SORCS3: variants seen among roughly 807,000 people sequenced by gnomAD.
SORCS3 encodes VPS10 domain-containing receptor SorCS3.
A neutral mutation model predicts 146.3 loss-of-function variants in SORCS3; 57 were observed. That is an observed-to-expected ratio of 0.39 (90% CI 0.31 to 0.49). The LOEUF is 0.49. Among genes scored for constraint, SORCS3 ranks in the 20% least tolerant of loss-of-function variants. The pLI, the probability that SORCS3 is intolerant of heterozygous loss-of-function variation, is 0.92. For synonymous variants in SORCS3, 653 were observed against 618.5 expected, an observed-to-expected ratio of 1.06 and a Z score of -0.83; for missense variants, 1,341 against 1,575.5, an observed-to-expected ratio of 0.85 and a Z score of 2.52.
At chr10:104,956,163 G>C (rs1010285444) in intron 3 of SORCS3, among the ~76,000 whole-genome samples, 1 of 152,192 alleles carries the variant, frequency 6.6e-6, no homozygotes, top group Non-Finnish European at 1.5e-5. Flanking sequence ...TAAGCACTCT[G>C]GGGACATGGG....
chr10:105,187,807 G>A (rs1019805134), intron 14 of SORCS3, among the ~76,000 whole-genome samples: 11 of 152,180 alleles, frequency 7.2e-5, no homozygotes, highest in African/African-American at 2.7e-4. Context: ...TGTTTTAAGA[G>A]TTCTAGAAGC....
chr10:105,176,721 G>A (rs2056407183), intron 13 of SORCS3, among the ~76,000 whole-genome samples: 1 of 151,992 alleles, frequency 6.6e-6, no homozygotes, highest in African/African-American at 2.4e-5. Context: ...CATGCTTGGT[G>A]ACACGTGCCT....
intron 3 of SORCS3, among the ~76,000 whole-genome samples, chr10:104,932,755 C>T (rs529472162): frequency 6.6e-5 from 10 of 152,240 alleles, no homozygotes; most frequent in South Asian, 6.2e-4. Flanking sequence ...TGCAGTAGAG[C>T]GATCATAGCT....
chr10:104,920,814 A>G (rs1402223052), intron 3 of SORCS3, among the ~76,000 whole-genome samples: 1 of 152,192 alleles, frequency 6.6e-6, no homozygotes, highest in African/African-American at 2.4e-5. Flanking sequence ...TGCTTCAGTC[A>G]AAGTTGTCCT....
At chr10:104,679,413 A>G (rs2015946535) in intron 1 of SORCS3, among the ~76,000 whole-genome samples, 1 of 152,182 alleles carries the variant, frequency 6.6e-6, no homozygotes, top group East Asian at 1.9e-4. Flanking sequence ...TTCTTTACAT[A>G]GAGTTACTTG....
intron 8 of SORCS3, 77 bp downstream of exon 8, chr10:105,139,563 T>C: frequency 1.7e-6 from 2 of 1,162,044 alleles, no homozygotes; most frequent in Non-Finnish European, 1.3e-6. Context: ...GTTGGGCTAC[T>C]GGGAGGTTTT....
intron 1 of SORCS3, among the ~76,000 whole-genome samples, chr10:104,696,078 CAT>C (rs1268587834): frequency 2.3e-4 from 4 of 17,570 alleles, no homozygotes; most frequent in Non-Finnish European, 5.0e-4. Flanking sequence ...TAATATATAT[CAT>C]ATACACATAT....
At chr10:104,917,935 T>C in intron 3 of SORCS3, among the ~76,000 whole-genome samples, 1 of 152,252 alleles carries the variant, frequency 6.6e-6, no homozygotes. Flanking sequence ...AGTGCTGCAA[T>C]AAACATGAGA....
chr10:104,708,465 C>T (rs2016373367), intron 1 of SORCS3, among the ~76,000 whole-genome samples: 1 of 152,166 alleles, frequency 6.6e-6, no homozygotes, highest in African/African-American at 2.4e-5. Context: ...TTCCAGCTGT[C>T]ATCATACAAT....
intron 16 of SORCS3, among the ~76,000 whole-genome samples, chr10:105,206,507 G>A (rs1204913361): frequency 6.6e-6 from 1 of 152,192 alleles, no homozygotes; most frequent in Non-Finnish European, 1.5e-5. Flanking sequence ...AAGGCTTCCT[G>A]CAGGAGGTAG....
At chr10:105,119,201 G>A (rs1334344757) in intron 7 of SORCS3, among the ~76,000 whole-genome samples, 3 of 152,198 alleles carry the variant, frequency 2.0e-5, no homozygotes, top group Non-Finnish European at 4.4e-5. Context: ...GCTTCAGAGG[G>A]TGCAAGTCTC....
At chr10:104,709,751 C>T (rs1031762029) in intron 1 of SORCS3, among the ~76,000 whole-genome samples, 2 of 152,156 alleles carry the variant, frequency 1.3e-5, no homozygotes, top group Non-Finnish European at 2.9e-5. Flanking sequence ...TTGCAGGACT[C>T]AAGTCATTTT....
chr10:105,205,450 C>T (rs1167945089), intron 16 of SORCS3, among the ~76,000 whole-genome samples: 1 of 152,130 alleles, frequency 6.6e-6, no homozygotes, highest in Non-Finnish European at 1.5e-5. Flanking sequence ...CCACCAGCCT[C>T]AAGCGAACCC....
chr10:105,083,196 CAAT>C (rs35895033), intron 5 of SORCS3, among the ~76,000 whole-genome samples: 36,636 of 151,510 alleles, frequency 0.24, 4,526 homozygotes, highest in Admixed American at 0.32. Context: ...TTTACATTAG[CAAT>C]AATAATATAT....
At chr10:104,650,820 C>T (rs1380507403) in intron 1 of SORCS3, among the ~76,000 whole-genome samples, 2 of 152,238 alleles carry the variant, frequency 1.3e-5, no homozygotes, top group East Asian at 3.8e-4. Flanking sequence ...CTCTCACAGG[C>T]TCTCAGGTCC....
intron 1 of SORCS3, among the ~76,000 whole-genome samples, chr10:104,739,881 G>A (rs76139396): frequency 6.6e-6 from 1 of 152,150 alleles, no homozygotes; most frequent in Non-Finnish European, 1.5e-5. Flanking sequence ...GAGGATTTCT[G>A]GGTGCTAATT....
chr10:105,145,071 GTGGTCAGGA>G (rs1333554029), intron 8 of SORCS3, among the ~76,000 whole-genome samples: 1 of 152,072 alleles, frequency 6.6e-6, no homozygotes, highest in Non-Finnish European at 1.5e-5. Flanking sequence ...ATTTCAGGCG[GTGGTCAGGA>G]TTAGAGGCAG....
At chr10:104,770,941 T>C (rs2017241441) in intron 1 of SORCS3, among the ~76,000 whole-genome samples, 1 of 152,226 alleles carries the variant, frequency 6.6e-6, no homozygotes, top group South Asian at 2.1e-4. Context: ...TATAAAATTA[T>C]TGTCATCTTT....
At chr10:104,896,907 C>A (rs2018803937) in intron 2 of SORCS3, among the ~76,000 whole-genome samples, 2 of 152,014 alleles carry the variant, frequency 1.3e-5, no homozygotes, top group Admixed American at 1.3e-4. Context: ...GCTTTCTGGC[C>A]CTGTACAGAA....
Sources: gnomAD v4.1 joint callset for allele counts (sites outside exome capture counted in the v4.1 genomes callset) on GRCh38, gnomAD v4.1.1 for gene constraint, MANE v1.5 for transcripts, NCBI Gene and HGNC (gene_info 2026-07-23, HGNC 2026-07-21) for gene names.